SAMMSON: variants seen among roughly 807,000 people sequenced by gnomAD.
SAMMSON encodes the protein survival associated mitochondrial melanoma specific oncogenic non-coding RNA.
chr3:70,412,947 GA>G (rs1356626386), intron 2 of SAMMSON, among the ~76,000 whole-genome samples: 1 of 152,158 alleles, frequency 6.6e-6, no homozygotes, highest in Non-Finnish European at 1.5e-5. Context: ...CAGACTTTAA[GA>G]ATGGCGGCAA....
intron 3 of SAMMSON, among the ~76,000 whole-genome samples, chr3:70,035,795 T>G (rs2067083171): frequency 6.6e-6 from 1 of 152,206 alleles, no homozygotes; most frequent in South Asian, 2.1e-4. Flanking sequence ...TCACACTCAT[T>G]GTGTACAAAT....
intron 2 of SAMMSON, among the ~76,000 whole-genome samples, chr3:70,415,306 G>A (rs1701255194): frequency 1.3e-5 from 2 of 152,036 alleles, no homozygotes; most frequent in East Asian, 3.8e-4. Flanking sequence ...TACTAATTTT[G>A]TTTTTGTTTA....
chr3:70,248,362 G>A (rs975657425), intron 4 of SAMMSON, among the ~76,000 whole-genome samples: 2 of 151,990 alleles, frequency 1.3e-5, no homozygotes, highest in Non-Finnish European at 2.9e-5. Flanking sequence ...ATTTTGAAAA[G>A]CATGTTATAT....
At chr3:70,111,735 C>T (rs1046566955) in intron 4 of SAMMSON, among the ~76,000 whole-genome samples, 1 of 152,020 alleles carries the variant, frequency 6.6e-6, no homozygotes, top group Non-Finnish European at 1.5e-5. Context: ...ACAGAACTGG[C>T]AATTTTGGTT....
chr3:70,371,862 A>G (rs1428698011), intron 9 of SAMMSON, among the ~76,000 whole-genome samples: 4 of 152,114 alleles, frequency 2.6e-5, no homozygotes, highest in Admixed American at 2.6e-4. Flanking sequence ...TAGGACTTCC[A>G]GTACTAGGTT....
chr3:70,326,738 C>T (rs948733240), intron 7 of SAMMSON, among the ~76,000 whole-genome samples: 8 of 151,958 alleles, frequency 5.3e-5, no homozygotes, highest in African/African-American at 1.9e-4. Context: ...TTCAATTACC[C>T]CATAAATAGA....
chr3:70,026,313 A>G (rs1046702157), intron 3 of SAMMSON, among the ~76,000 whole-genome samples: 1 of 152,126 alleles, frequency 6.6e-6, no homozygotes, highest in Non-Finnish European at 1.5e-5. Flanking sequence ...GATTGAATAT[A>G]AGACAGTTTG....
intron 4 of SAMMSON, among the ~76,000 whole-genome samples, chr3:70,122,169 C>T (rs1213431725): frequency 6.6e-6 from 1 of 152,080 alleles, no homozygotes; most frequent in Admixed American, 6.6e-5. Context: ...ATGTGATGGT[C>T]TTTATAATTT....
chr3:70,388,113 GAGA>G (rs897708649), intron 9 of SAMMSON, among the ~76,000 whole-genome samples: 3 of 152,078 alleles, frequency 2.0e-5, no homozygotes, highest in Non-Finnish European at 2.9e-5. Context: ...ACCATTTGAG[GAGA>G]AGTTTAAGAC....
intron 3 of SAMMSON, among the ~76,000 whole-genome samples, chr3:70,019,661 C>G (rs1226265484): frequency 6.6e-6 from 1 of 152,176 alleles, no homozygotes; most frequent in African/African-American, 2.4e-5. Context: ...TCAGTTGATG[C>G]AGTTTCTTCC....
intron 4 of SAMMSON, among the ~76,000 whole-genome samples, chr3:70,221,434 A>G (rs1701459424): frequency 6.6e-6 from 1 of 152,150 alleles, no homozygotes; most frequent in Non-Finnish European, 1.5e-5. Flanking sequence ...ACTGGTAAAG[A>G]TTAGGAGGAA....
intron 2 of SAMMSON, among the ~76,000 whole-genome samples, chr3:70,413,831 T>C (rs1281866481): frequency 6.6e-6 from 1 of 152,250 alleles, no homozygotes; most frequent in Non-Finnish European, 1.5e-5. Flanking sequence ...AGGAAGACGA[T>C]TCAATAATAA....
chr3:70,289,475 C>G (rs1250445381), intron 6 of SAMMSON, among the ~76,000 whole-genome samples: 3 of 149,634 alleles, frequency 2.0e-5, no homozygotes, highest in Non-Finnish European at 4.5e-5. Context: ...CAACCTTTCT[C>G]TCTGGCTGCC....
At chr3:70,385,008 G>C (rs767076646) in intron 9 of SAMMSON, among the ~76,000 whole-genome samples, 13 of 152,010 alleles carry the variant, frequency 8.6e-5, no homozygotes, top group Non-Finnish European at 7.4e-5. Context: ...CTAACATATG[G>C]AATAGAATAA....
intron 6 of SAMMSON, among the ~76,000 whole-genome samples, chr3:70,286,331 C>A (rs1388486757): frequency 6.6e-6 from 1 of 152,142 alleles, no homozygotes; most frequent in East Asian, 1.9e-4. Context: ...TTCCCCATTT[C>A]TTGTTTTTGT....
At chr3:70,273,901 C>G (rs1404451923) in intron 6 of SAMMSON, among the ~76,000 whole-genome samples, 1 of 152,098 alleles carries the variant, frequency 6.6e-6, no homozygotes, top group Non-Finnish European at 1.5e-5. Flanking sequence ...CTCCTAGGCT[C>G]AAGTCATTCT....
intron 3 of SAMMSON, among the ~76,000 whole-genome samples, chr3:70,027,026 G>C (rs1439772421): frequency 6.6e-6 from 1 of 151,980 alleles, no homozygotes; most frequent in Non-Finnish European, 1.5e-5. Flanking sequence ...TTGTAAAATG[G>C]GTTCTTTAAA....
chr3:70,022,426 C>CAAAAAAAAAAAA (rs60455629), intron 3 of SAMMSON, among the ~76,000 whole-genome samples: 17 of 91,120 alleles, frequency 1.9e-4, no homozygotes, highest in Non-Finnish European at 2.9e-4. Flanking sequence ...AGTATAATAA[C>CAAAAAAAAAAAA]AAAAAAAAAA....
intron 4 of SAMMSON, among the ~76,000 whole-genome samples, chr3:70,138,731 TATC>T (rs1252403154): frequency 6.6e-6 from 1 of 152,210 alleles, no homozygotes; most frequent in Admixed American, 6.5e-5. Context: ...CCTATCTAAA[TATC>T]ATCTAAATTA....
Sources: gnomAD v4.1 joint callset for allele counts (sites outside exome capture counted in the v4.1 genomes callset) on GRCh38, gnomAD v4.1.1 for gene constraint, MANE v1.5 for transcripts, NCBI Gene and HGNC (gene_info 2026-07-23, HGNC 2026-07-21) for gene names.